CCZ1: variants seen among roughly 807,000 people sequenced by gnomAD.
CCZ1 encodes CCZ1 vacuolar protein trafficking and biogenesis associated.
CCZ1 carries 19 observed loss-of-function variants against 57.8 expected under a neutral mutation model. The ratio of observed to expected loss-of-function variants is 0.33; its 90% CI spans 0.23 to 0.48. CCZ1 has a LOEUF of 0.48. CCZ1 is among the 20% of genes least tolerant of loss of function. The pLI is 0.99. For synonymous variants in CCZ1, 81 were observed against 167.0 expected (o/e 0.49, Z 3.97); for missense variants, 200 against 492.0 (o/e 0.41, Z 5.61).
chr7:5,912,705 A>T, intron 9 of CCZ1, 138 bp from the exon 10 acceptor site: 6 of 1,003,724 alleles, frequency 6.0e-6, no homozygotes, highest in Admixed American at 1.9e-5. Flanking sequence ...CAGCCAGCAT[A>T]TTCTGATATG....
intron 7 of CCZ1, among the ~76,000 whole-genome samples, chr7:5,909,709 GAA>G (rs983272409): frequency 2.3e-5 from 3 of 129,520 alleles, no homozygotes; most frequent in Non-Finnish European, 3.2e-5. Flanking sequence ...AAAAAAAAAA[GAA>G]AAAAAAATTT....
intron 7 of CCZ1, among the ~76,000 whole-genome samples, chr7:5,906,883 T>A (rs1331718200): frequency 6.6e-6 from 1 of 150,878 alleles, no homozygotes; most frequent in Non-Finnish European, 1.5e-5. Flanking sequence ...TTTTTTTGTT[T>A]TTGAGATGGA....
At position 5,905,255 on chromosome 7, in the gene CCZ1, C is replaced by G. The variant is rs373334067; in HGVS notation, c.684C>G (p.Asn228Lys). The change falls in exon 7 of 15, where the codon AAC (asparagine) becomes AAG (lysine). Residue 228 changes from asparagine (N) to lysine (K), a missense_variant. This residue lies in a region of CCZ1 where 128 missense variants were observed against 178.4 expected (regional missense o/e 0.72). Transcript: ENST00000325974. The part of the protein sequence containing the change: ...NIVKYTAFLY[N>K]DQLIWSGLEQ... ...TCAAATACACTGCTTTTCTCTATAA[C>G]GATCAGCTCATCTGGTAGGTACACC... 2.0e-6 allele frequency: 3 copies of G among 1,525,172 alleles called. No individual in the cohort carries two copies. Among genetic ancestry groups the G allele is most frequent in the Non-Finnish European group, 2.7e-6 (3 of 1,128,838 alleles). 94.5% of individuals were successfully genotyped at this position (1,525,172 alleles called of 1,614,324 possible).
intron 10 of CCZ1, among the ~76,000 whole-genome samples, chr7:5,913,226 T>TC (rs1779080851): frequency 6.9e-6 from 1 of 145,900 alleles, no homozygotes; most frequent in Non-Finnish European, 1.5e-5. Flanking sequence ...CCAAAGGCTG[T>TC]CAGAGGTTGG....
intron 3 of CCZ1, 53 bp downstream of exon 3, chr7:5,900,619 G>A: frequency 4.5e-6 from 7 of 1,560,284 alleles, no homozygotes; most frequent in Non-Finnish European, 6.0e-6. Flanking sequence ...AGTTATGGGT[G>A]ATCTTTACTG....
rs1198029976 is a variant in CCZ1 at position 5,903,401 on chromosome 7, G to C, written c.522+657G>C. On this transcript the variant is annotated intron_variant, in intron 6 of 14. Transcript: ENST00000325974. Reference sequence around the variant, plus strand: ...CCCAAAGTGCTGGGGTTAAAGGCATGAGCCAACTCGCCCAGCCTAGTTTAT... The same window carrying C: ...CCCAAAGTGCTGGGGTTAAAGGCATCAGCCAACTCGCCCAGCCTAGTTTAT... 3.4e-5 allele frequency among the ~76,000 whole-genome samples: 5 copies of C among 145,910 alleles called. 1 individual carries two copies. Among genetic ancestry groups the C allele is most frequent in the African/African-American group, 1.3e-4 (5 of 39,170 alleles).
intron 10 of CCZ1, among the ~76,000 whole-genome samples, chr7:5,916,792 AG>A (rs1779158753): frequency 7.2e-6 from 1 of 139,024 alleles, no homozygotes; most frequent in East Asian, 2.1e-4. Flanking sequence ...CTTGGGTGTA[AG>A]GGATATTGGC....
rs991083035 is a variant in CCZ1, at chr7:5,906,491, T to C, written c.698+1222T>C. Among the ~76,000 whole-genome samples, 16 of 147,946 alleles carry C rather than the reference T, an allele frequency of 1.1e-4. 2 individuals carry two copies. Among genetic ancestry groups the C allele is most frequent in the Admixed American group, 1.1e-3 (16 of 14,986 alleles). ...GCATATGCCACCATGCCCGGCTAAT[T>C]TTTGTATTTTCAGTACAGACAAGGT... On this transcript the variant is annotated intron_variant, in intron 7 of 14. Coordinates refer to ENST00000325974, the MANE Select transcript of CCZ1 (RefSeq NM_015622.6).
At chr7:5,899,785 C>CTTG (rs746316214) in intron 1 of CCZ1, among the ~76,000 whole-genome samples, 133 of 151,762 alleles carry the variant, frequency 8.8e-4, no homozygotes, top group Non-Finnish European at 1.4e-3. Context: ...AAAAAAGCAA[C>CTTG]TTGTCAGTTC....
chr7:5,907,070 A>G (rs193152449), intron 7 of CCZ1, among the ~76,000 whole-genome samples: 1 of 149,346 alleles, frequency 6.7e-6, no homozygotes, highest in Admixed American at 6.6e-5. Flanking sequence ...CATGTTGGCC[A>G]GGCTGGTCTC....
intron 1 of CCZ1, among the ~76,000 whole-genome samples, chr7:5,899,134 C>T (rs1781616973): frequency 1.2e-5 from 1 of 85,460 alleles, no homozygotes; most frequent in Non-Finnish European, 2.4e-5. Flanking sequence ...TATCACTCCA[C>T]ACCCCAGGTT....
intron 10 of CCZ1, among the ~76,000 whole-genome samples, chr7:5,913,586 C>T (rs889454169): frequency 2.8e-5 from 4 of 144,002 alleles, no homozygotes; most frequent in South Asian, 4.5e-4. Flanking sequence ...GGAAGGTAGA[C>T]GGGACTTGTA....
chr7:5,906,153 A>G (rs1164571915), intron 7 of CCZ1, among the ~76,000 whole-genome samples: 1 of 147,694 alleles, frequency 6.8e-6, no homozygotes, highest in African/African-American at 2.5e-5. Context: ...TGCAGTAGGA[A>G]CAACGTGGGC....
chr7:5,903,985 C>T lies in CCZ1; in HGVS notation c.523-1109C>T, dbSNP rs533896038. On this transcript the variant is annotated intron_variant, in intron 6 of 14. Transcript: ENST00000325974. ...CTCCAGCCTGGGTGACAGACCAAGA[C>T]TCCATCTCGGGGGGGGAAATAAAGA... is the stretch of plus-strand genomic sequence containing the variant. 2.4e-4 allele frequency among the ~76,000 whole-genome samples: 30 copies of T among 125,172 alleles called. 3 individuals carry two copies. The highest frequency in any genetic ancestry group is 7.6e-4 in the African/African-American group (26 of 34,144). The allele number at this position is 125,172 out of a possible 152,430, so 82.1% of individuals were successfully genotyped here. A position where few individuals can be genotyped will look rare whatever the true frequency, so the allele number is the denominator to read the frequency against.
At chr7:5,915,379 C>T (rs62453615) in intron 10 of CCZ1, among the ~76,000 whole-genome samples, 26,033 of 134,256 alleles carry the variant, frequency 0.19, 1,927 homozygotes, top group African/African-American at 0.26. Context: ...AAAAAATCAT[C>T]CTCCTTTGAA....
Position 5,914,266 on chromosome 7 carries a change from C to T in CCZ1, c.954+1312C>T, listed in dbSNP as rs1344556103. Among the ~76,000 whole-genome samples, 3 of 146,474 alleles carry T rather than the reference C, an allele frequency of 2.0e-5. 1 individual carries two copies. Among genetic ancestry groups the T allele is most frequent in the Non-Finnish European group, 4.5e-5 (3 of 67,168 alleles). Reference sequence around the variant, plus strand: ...TGGGCAACATAGTAAGACCCTGTGTCGACAGGAAAATGTTTAAAAATTAGC... The same window carrying T: ...TGGGCAACATAGTAAGACCCTGTGTTGACAGGAAAATGTTTAAAAATTAGC... On this transcript the variant is annotated intron_variant, in intron 10 of 14. Transcript: ENST00000325974.
chr7:5,922,685 C>T (rs1463898867), intron 12 of CCZ1, among the ~76,000 whole-genome samples: 1 of 151,378 alleles, frequency 6.6e-6, no homozygotes, highest in East Asian at 1.9e-4. Context: ...AAATGTTCAT[C>T]AGACTGCAGT....
intron 8 of CCZ1, among the ~76,000 whole-genome samples, chr7:5,910,706 T>TTTTATTTTATTTTATTTATTTA (rs750179208): frequency 8.1e-6 from 1 of 123,688 alleles, no homozygotes; most frequent in Non-Finnish European, 1.7e-5. Flanking sequence ...ATGTATTTTA[T>TTTTATTTTATTTTATTTATTTA]TTTATTTATT....
chr7:5,921,005 G>A lies in CCZ1; in HGVS notation c.1106+1039G>A, dbSNP rs1167088778. ...GTCTCAGTTGCCCAGGCTGGAGTGT[G>A]CAATGGTCTGTTCTCAGCTCACTGC... On this transcript the variant is annotated intron_variant, in intron 12 of 14. Coordinates refer to ENST00000325974, the MANE Select transcript of CCZ1 (RefSeq NM_015622.6). Among the ~76,000 whole-genome samples the A allele has an allele frequency of 2.2e-5, 2 of 88,938 alleles. 1 individual carries two copies. The highest frequency in any genetic ancestry group is 4.4e-5 in the Non-Finnish European group (2 of 45,064). The allele number at this position is 88,938 out of a possible 152,430, so 58.3% of individuals were successfully genotyped here. A position where few individuals can be genotyped will look rare whatever the true frequency, so the allele number is the denominator to read the frequency against.
Sources: allele counts gnomAD v4.1 joint callset (sites outside exome capture counted in the v4.1 genomes callset), GRCh38; gene constraint gnomAD v4.1.1; regional missense constraint gnomAD v4.1.1; transcripts MANE v1.5; gene names NCBI Gene and HGNC (gene_info 2026-07-23, HGNC 2026-07-21).